The following CMPK1 variants were observed in gnomAD, a reference collection of about 807,000 sequenced individuals.
CMPK1 encodes cytidine/uridine monophosphate kinase 1.
CMPK1 carries 10 observed loss-of-function variants against 25.7 expected under a neutral mutation model. The observed-to-expected ratio is 0.39, with a 90% CI of 0.24 to 0.66. CMPK1 has a LOEUF of 0.66. CMPK1 is among the 30% of genes least tolerant of loss of function. CMPK1 has a pLI of 0.48. For missense variants in CMPK1, 199 were observed against 280.5 expected, an observed-to-expected ratio of 0.71 and a Z score of 2.08; for synonymous variants, 106 against 101.5, an observed-to-expected ratio of 1.04 and a Z score of -0.27.
At chr1:47,343,745 C>T (rs532911192) in intron 1 of CMPK1, among the ~76,000 whole-genome samples, 2 of 151,890 alleles carry the variant, frequency 1.3e-5, no homozygotes, top group South Asian at 2.1e-4. Flanking sequence ...AAGCCCATCC[C>T]TGCATGGTGG....
chr1:47,370,031 C>T (rs1304520268), intron 2 of CMPK1, among the ~76,000 whole-genome samples: 3 of 147,004 alleles, frequency 2.0e-5, no homozygotes, highest in African/African-American at 4.9e-5. Context: ...TCTCCTGTCT[C>T]AGCCTTCCGA....
Position 47,376,823 on chromosome 1 carries a change from A to C in CMPK1, c.*78A>C, listed in dbSNP as rs1646711480. The C allele has an allele frequency of 2.5e-6, 2 of 788,886 alleles. No homozygotes were observed. The highest frequency in any genetic ancestry group is 3.5e-5 in the African/African-American group (2 of 57,264). The allele number at this position is 788,886 out of a possible 1,614,324, so 48.9% of individuals were successfully genotyped here. A position where few individuals can be genotyped will look rare whatever the true frequency, so the allele number is the denominator to read the frequency against. On this transcript the variant is annotated 3_prime_UTR_variant, in exon 6 of 6. Transcript: ENST00000371873. Reference sequence around the variant, plus strand: ...TGCTATCATGACCCCTTTTTAAGGCAATTCTAATCTTTCATAACTACATCT... The same window carrying C: ...TGCTATCATGACCCCTTTTTAAGGCCATTCTAATCTTTCATAACTACATCT...
chr1:47,337,644 C>G (rs1386406251), intron 1 of CMPK1, among the ~76,000 whole-genome samples: 1 of 148,086 alleles, frequency 6.8e-6, no homozygotes, highest in Non-Finnish European at 1.5e-5. Flanking sequence ...GACGAAGTGT[C>G]ACGCTGTCGG....
chr1:47,333,866 T>G lies in CMPK1; in HGVS notation c.-80T>G. 6 of 1,014,464 alleles carry G rather than the reference T, an allele frequency of 5.9e-6. No homozygotes were observed. Among genetic ancestry groups the G allele is most frequent in the Non-Finnish European group, 4.8e-6 (4 of 828,024 alleles). 62.8% of individuals were successfully genotyped at this position (1,014,464 alleles called of 1,614,324 possible). On this transcript the variant is annotated 5_prime_UTR_variant, in exon 1 of 6. Coordinates refer to ENST00000371873, the MANE Select transcript of CMPK1 (RefSeq NM_016308.3). The stretch of plus-strand genomic sequence containing the variant: ...GCGGGCGCCGGCTCAGCCCGCCCCT[T>G]TCTCCCGCCGCCTCCCCGCCCCGCC...
Position 47,377,695 on chromosome 1 carries a change from T to C in CMPK1, c.*950T>C, listed in dbSNP as rs937065661. On this transcript the variant is annotated 3_prime_UTR_variant, in exon 6 of 6. Transcript: ENST00000371873. ...CCCATTTGTATTTTATTTTCTTGAA[T>C]ACTTTTTTCATAGTTATTTGTTTAA... 45 of 152,784 alleles carry C rather than the reference T, an allele frequency of 2.9e-4. No homozygotes were observed. Among genetic ancestry groups the C allele is most frequent in the African/African-American group, 1.0e-3 (42 of 41,592 alleles). 9.5% of individuals were successfully genotyped at this position (152,784 alleles called of 1,614,324 possible). A position where few individuals can be genotyped will look rare whatever the true frequency, so the allele number is the denominator to read the frequency against.
At chr1:47,350,520 G>A (rs1302996389) in intron 1 of CMPK1, among the ~76,000 whole-genome samples, 3 of 152,128 alleles carry the variant, frequency 2.0e-5, no homozygotes, top group Non-Finnish European at 4.4e-5. Flanking sequence ...TCAAAGTGCT[G>A]AGATTACAGG....
chr1:47,367,501 G>A (rs546202524), intron 1 of CMPK1, among the ~76,000 whole-genome samples: 6 of 152,328 alleles, frequency 3.9e-5, no homozygotes, highest in Non-Finnish European at 8.8e-5. Flanking sequence ...GGGGTTGGGA[G>A]TGTGGGCTGC....
intron 1 of CMPK1, among the ~76,000 whole-genome samples, chr1:47,349,977 T>G (rs1201857527): frequency 2.0e-5 from 3 of 152,180 alleles, no homozygotes; most frequent in African/African-American, 7.2e-5. Flanking sequence ...GCTAATTTTT[T>G]GTATTTTTAG....
At chr1:47,362,678 T>C (rs2149331925) in intron 1 of CMPK1, among the ~76,000 whole-genome samples, 1 of 152,364 alleles carries the variant, frequency 6.6e-6, no homozygotes, top group African/African-American at 2.4e-5. Context: ...TTGGAGGTTA[T>C]CTGCAAAAGC....
intron 2 of CMPK1, among the ~76,000 whole-genome samples, chr1:47,370,164 G>A (rs1646668485): frequency 6.7e-6 from 1 of 150,300 alleles, no homozygotes. Flanking sequence ...CGATCCACCC[G>A]CTTGGGCCTC....
chr1:47,352,689 A>C (rs1646531455), intron 1 of CMPK1, among the ~76,000 whole-genome samples: 1 of 152,138 alleles, frequency 6.6e-6, no homozygotes, highest in African/African-American at 2.4e-5. Flanking sequence ...ACAGGAAAAA[A>C]ATATGGAAAA....
chr1:47,338,998 G>C (rs994672102), intron 1 of CMPK1, among the ~76,000 whole-genome samples: 3 of 151,458 alleles, frequency 2.0e-5, no homozygotes, highest in African/African-American at 7.3e-5. Context: ...AACAAATTAT[G>C]ACTAAAGCTT....
At chr1:47,355,524 A>G (rs1235741632) in intron 1 of CMPK1, among the ~76,000 whole-genome samples, 4 of 151,906 alleles carry the variant, frequency 2.6e-5, no homozygotes, top group Non-Finnish European at 5.9e-5. Context: ...CATATCGGCC[A>G]GGCTGGTCTG....
chr1:47,373,113 G>A lies in CMPK1; in HGVS notation c.471+6G>A. ...TTTTTGACTGTAATAATGAGGTAAT[G>A]AAAATCTTCATCTGCCCACATAGGC... On this transcript the variant is annotated splice_donor_region_variant and intron_variant, in intron 3 of 5. Transcript: ENST00000371873. 1 of 1,599,126 alleles carries A rather than the reference G, an allele frequency of 6.3e-7. No individual in the cohort carries two copies.
intron 5 of CMPK1, among the ~76,000 whole-genome samples, 160 bp downstream of exon 5, chr1:47,375,453 A>G (rs111296581): frequency 4.0e-4 from 61 of 152,216 alleles, no homozygotes; most frequent in Admixed American, 1.6e-3. Flanking sequence ...TCCCAGCACA[A>G]GTGTTCAAGA....
At chr1:47,375,016 C>A in intron 4 of CMPK1, 31 bp downstream of exon 4, 1 of 1,508,718 alleles carries the variant, frequency 6.6e-7, no homozygotes, top group Non-Finnish European at 9.2e-7. Flanking sequence ...ACAACCACTT[C>A]AATCCCAGAC....
At chr1:47,347,144 TTCCCTCCC>T (rs959245656) in intron 1 of CMPK1, among the ~76,000 whole-genome samples, 1 of 151,880 alleles carries the variant, frequency 6.6e-6, no homozygotes, top group Non-Finnish European at 1.5e-5. Flanking sequence ...TCTTCCCTCC[TTCCCTCCC>T]TCCCTCCCTT....
At chr1:47,362,410 C>T (rs376264067) in intron 1 of CMPK1, among the ~76,000 whole-genome samples, 17 of 151,182 alleles carry the variant, frequency 1.1e-4, no homozygotes, top group Non-Finnish European at 2.2e-4. Flanking sequence ...TCAGGTGATC[C>T]GCCCGACTTG....
chr1:47,347,028 C>T (rs1187505938), intron 1 of CMPK1, among the ~76,000 whole-genome samples: 3 of 152,108 alleles, frequency 2.0e-5, no homozygotes, highest in Admixed American at 1.3e-4. Flanking sequence ...GATGATCCAC[C>T]CGCCTCGGCC....
Sources: gnomAD v4.1 joint callset for allele counts (sites outside exome capture counted in the v4.1 genomes callset) on GRCh38, gnomAD v4.1.1 for gene constraint, MANE v1.5 for transcripts, NCBI Gene and HGNC (gene_info 2026-07-23, HGNC 2026-07-21) for gene names.